The following NSD1 variants were observed in gnomAD, a reference collection of about 807,000 sequenced individuals.
NSD1 encodes nuclear receptor binding SET domain protein 1.
A neutral mutation model predicts 242.7 loss-of-function variants in NSD1; 26 were observed. The ratio of observed to expected loss-of-function variants is 0.11; its 90% CI spans 0.08 to 0.15. The LOEUF is 0.15. Among genes scored for constraint, NSD1 ranks in the 10% least tolerant of loss-of-function variants. The probability of loss-of-function intolerance (pLI) is 1.00; values close to 1 mark genes in which losing one functional copy is unlikely to be tolerated. For synonymous variants in NSD1, 1,106 were observed against 1,178.1 expected (o/e 0.94, Z 1.25); for missense variants, 2,495 against 3,272.8 (o/e 0.76, Z 5.80).
chr5:177,193,226 T>A (rs1761840037), intron 3 of NSD1, among the ~76,000 whole-genome samples: 1 of 152,202 alleles, frequency 6.6e-6, no homozygotes, highest in South Asian at 2.1e-4. Flanking sequence ...CTGCAAGCTC[T>A]GCCTGCTGGG....
chr5:177,241,087 G>T (rs181090054), intron 8 of NSD1, among the ~76,000 whole-genome samples: 3 of 152,190 alleles, frequency 2.0e-5, no homozygotes, highest in African/African-American at 7.2e-5. Context: ...CTGTGTTTTA[G>T]GAGTTTTTTG....
intron 2 of NSD1, among the ~76,000 whole-genome samples, chr5:177,190,743 C>T (rs962822311): frequency 6.6e-6 from 1 of 151,592 alleles, no homozygotes; most frequent in Non-Finnish European, 1.5e-5. Flanking sequence ...CATCTCGGCT[C>T]ACTGCAAGCT....
chr5:177,194,694 C>CTTTTTTTTTTT (rs771213970), intron 3 of NSD1, among the ~76,000 whole-genome samples: 1 of 49,032 alleles, frequency 2.0e-5, no homozygotes, highest in Non-Finnish European at 3.8e-5. Context: ...ATTTTAGTGT[C>CTTTTTTTTTTT]TTTTTTTTTT....
At chr5:177,197,894 T>C (rs1202260174) in intron 3 of NSD1, among the ~76,000 whole-genome samples, 1 of 152,082 alleles carries the variant, frequency 6.6e-6, no homozygotes, top group African/African-American at 2.4e-5. Context: ...GAGGTAGAAG[T>C]TAGATTGGAC....
Position 177,269,631 on chromosome 5 carries a change from G to C in NSD1, c.5333G>C (p.Arg1778Pro). The C allele has an allele frequency of 6.2e-7, 1 of 1,613,900 alleles. No homozygotes were observed. The highest frequency in any genetic ancestry group is 8.5e-7 in the Non-Finnish European group (1 of 1,179,980). ...TGGCCAGCTGAGATCTGCCATCCTC[G>C]AGCTGTTCCTTCCAACATTGATAAG... ...RWWPAEICHPRAVPSNIDKMR... is the reference protein window; with the variant it reads ...RWWPAEICHPPAVPSNIDKMR... The change falls in exon 16 of 23, where the codon CGA becomes CCA. Residue 1778 changes from arginine to proline, a missense_variant. By Grantham distance (103) the Arg-to-Pro change is moderately radical. This residue lies in a region of NSD1 where 25 missense variants were observed against 49.7 expected (regional missense o/e 0.50). Coordinates refer to ENST00000439151, the MANE Select transcript of NSD1 (RefSeq NM_022455.5). The surrounding 1 kb of genome is among the most constrained non-coding windows in gnomAD (Gnocchi z 5.1).
chr5:177,153,352 A>G (rs1757880053), intron 2 of NSD1, among the ~76,000 whole-genome samples: 1 of 152,098 alleles, frequency 6.6e-6, no homozygotes, highest in Non-Finnish European at 1.5e-5. Context: ...TAGTATATGA[A>G]TTTAGCATTT....
intron 16 of NSD1, among the ~76,000 whole-genome samples, chr5:177,271,973 A>T (rs1429828140): frequency 6.6e-6 from 1 of 152,074 alleles, no homozygotes; most frequent in Non-Finnish European, 1.5e-5. Context: ...AATAAAAAAA[A>T]ATTAGCTGGG....
chr5:177,201,479 A>C (rs1339303425), intron 3 of NSD1, among the ~76,000 whole-genome samples: 1 of 151,708 alleles, frequency 6.6e-6, no homozygotes, highest in Non-Finnish European at 1.5e-5. Context: ...GTTTAGAACT[A>C]CTTGTAGTTT....
chr5:177,175,853 A>G (rs1760150130), intron 2 of NSD1, among the ~76,000 whole-genome samples: 1 of 152,144 alleles, frequency 6.6e-6, no homozygotes, highest in South Asian at 2.1e-4. Flanking sequence ...TGTTTGTGAT[A>G]TAAACATTAT....
chr5:177,172,682 G>T (rs1187087497), intron 2 of NSD1, among the ~76,000 whole-genome samples: 1 of 152,150 alleles, frequency 6.6e-6, no homozygotes, highest in African/African-American at 2.4e-5. Flanking sequence ...TTTGAGGCCG[G>T]GTATGGTGGT....
Position 177,199,228 on chromosome 5 carries a change from G to A in NSD1, c.1064-4892G>A, listed in dbSNP as rs78168418. On this transcript the variant is annotated intron_variant, in intron 3 of 22. Transcript: ENST00000439151. ...TGTAAGTGTTCTGAGCATGTTTAGC[G>A]TAGGCTAGGTGTATTAAATGCATTT... Among the ~76,000 whole-genome samples, 874 of 152,290 alleles carry A rather than the reference G, an allele frequency of 5.7e-3. 7 individuals are homozygous for A. The highest frequency in any genetic ancestry group is 0.02 in the African/African-American group (837 of 41,542).
intron 3 of NSD1, among the ~76,000 whole-genome samples, chr5:177,203,178 T>C (rs1762629820): frequency 6.6e-6 from 1 of 152,238 alleles, no homozygotes; most frequent in Non-Finnish European, 1.5e-5. Context: ...GATTTTTATT[T>C]CCTTTTATTA....
intron 12 of NSD1, among the ~76,000 whole-genome samples, chr5:177,255,010 T>C (rs942844079): frequency 1.3e-5 from 2 of 152,068 alleles, no homozygotes; most frequent in Admixed American, 1.3e-4. Context: ...CACATCATTG[T>C]TTAGATTGCT....
At chr5:177,183,428 G>C (rs1760855768) in intron 2 of NSD1, among the ~76,000 whole-genome samples, 1 of 152,016 alleles carries the variant, frequency 6.6e-6, no homozygotes, top group South Asian at 2.1e-4. Flanking sequence ...CATTATTCTT[G>C]GGTATTGTAT....
chr5:177,228,265 C>CTTT (rs750070622), intron 5 of NSD1, among the ~76,000 whole-genome samples: 2 of 138,342 alleles, frequency 1.4e-5, no homozygotes, highest in Non-Finnish European at 3.2e-5. Flanking sequence ...TTTTTCTTTT[C>CTTT]TTTTTTTTTT....
At chr5:177,141,320 T>A (rs1309153926) in intron 2 of NSD1, among the ~76,000 whole-genome samples, 1 of 83,770 alleles carries the variant, frequency 1.2e-5, no homozygotes, top group Non-Finnish European at 2.2e-5. Flanking sequence ...GCGCGCAGCC[T>A]TTTTTTTTTT....
rs1279409189 is a variant in NSD1, at chr5:177,251,810, T to C, written c.4722T>C (p.Thr1574=). ...TCCACCTGGAGTGCCTTGGATTGACTGAGATGCCAAGAGGAAAATTTATCT... is the reference window on the plus strand; with the variant it reads ...TCCACCTGGAGTGCCTTGGATTGACCGAGATGCCAAGAGGAAAATTTATCT... ...GAFHLECLGL[T]EMPRGKFICN... is the part of the protein sequence containing the mutation. The change falls in exon 12 of 23, where the codon ACT becomes ACC. Residue 1574 remains threonine, a synonymous_variant. Transcript: ENST00000439151. 1.2e-6 allele frequency: 2 copies of C among 1,613,966 alleles called. No homozygotes were observed. Among genetic ancestry groups the C allele is most frequent in the Non-Finnish European group, 1.7e-6 (2 of 1,179,938 alleles).
In NSD1 at chr5:177,199,614, T is replaced by C. The variant is rs28510908; in HGVS notation, c.1064-4506T>C. Among the ~76,000 whole-genome samples, 729 of 148,538 alleles carry C rather than the reference T, an allele frequency of 4.9e-3. 3 individuals carry two copies. The highest frequency in any genetic ancestry group is 0.017 in the Middle Eastern group (5 of 294). ...CTTTTCTTTTCTTTTCTTTTCTTTT[T>C]TTTTGAGATGGAGTCTCTCTCTGTC... On this transcript the variant is annotated intron_variant, in intron 3 of 22. Transcript: ENST00000439151.
chr5:177,197,619 C>T (rs1762202259), intron 3 of NSD1, among the ~76,000 whole-genome samples: 1 of 152,188 alleles, frequency 6.6e-6, no homozygotes, highest in Non-Finnish European at 1.5e-5. Context: ...GAGACTCCAT[C>T]TCAAAAAATA....
Sources: allele counts gnomAD v4.1 joint callset (sites outside exome capture counted in the v4.1 genomes callset), GRCh38; gene constraint gnomAD v4.1.1; regional missense constraint gnomAD v4.1.1; non-coding constraint Gnocchi (gnomAD v3.1); transcripts MANE v1.5; gene names NCBI Gene and HGNC (gene_info 2026-07-23, HGNC 2026-07-21).